SRSF4: variants seen among roughly 807,000 people sequenced by gnomAD.
The protein encoded by SRSF4 is serine and arginine rich splicing factor 4.
A neutral mutation model predicts 48.8 loss-of-function variants in SRSF4; 12 were observed. The observed-to-expected ratio is 0.25, with a 90% CI of 0.16 to 0.40. SRSF4 has a LOEUF of 0.40. SRSF4 is among the 10% of genes least tolerant of loss of function. SRSF4 has a pLI of 1.00. For synonymous variants in SRSF4, 248 were observed against 232.5 expected, an observed-to-expected ratio of 1.07 and a Z score of -0.61; for missense variants, 466 against 667.1, an observed-to-expected ratio of 0.70 and a Z score of 3.32.
chr1:29,153,654 G>A (rs1232223745), intron 4 of SRSF4, among the ~76,000 whole-genome samples: 1 of 149,450 alleles, frequency 6.7e-6, no homozygotes, highest in Non-Finnish European at 1.5e-5. Flanking sequence ...AGGCTAGAGT[G>A]CAACGGTGCG....
intron 1 of SRSF4, chr1:29,169,505 A>C (rs1406907698): frequency 6.6e-6 from 1 of 152,256 alleles, no homozygotes; most frequent in Non-Finnish European, 1.5e-5. Context: ...AATACCAGTA[A>C]GTTGTGAACA....
rs922008949 is a variant in SRSF4, at chr1:29,181,830, AGCGGCGGCG to A, written c.-87_-79del. On this transcript the variant is annotated 5_prime_UTR_variant, in exon 1 of 6. Transcript: ENST00000373795. Reference sequence around the variant, plus strand: ...GCGGGCAAAGCGAGAGCACGGCGGCAGCGGCGGCGGCGGCAACGGGCGGGCGGCGGGACG... The same window carrying A: ...GCGGGCAAAGCGAGAGCACGGCGGCAGCGGCAACGGGCGGGCGGCGGGACG... The A allele has an allele frequency of 4.9e-5, 61 of 1,247,902 alleles. No individual in the cohort carries two copies. The highest frequency in any genetic ancestry group is 2.3e-4 in the Middle Eastern group (1 of 4,394). The allele number at this position is 1,247,902 out of a possible 1,614,324, so 77.3% of individuals were successfully genotyped here. A position where few individuals can be genotyped will look rare whatever the true frequency, so the allele number is the denominator to read the frequency against.
intron 1 of SRSF4, among the ~76,000 whole-genome samples, chr1:29,180,069 T>C (rs951480717): frequency 6.6e-6 from 1 of 152,222 alleles, no homozygotes; most frequent in Non-Finnish European, 1.5e-5. Context: ...CTAAGCCAAA[T>C]GCTTTACATT....
intron 1 of SRSF4, chr1:29,173,309 T>C (rs959166246): frequency 2.0e-5 from 3 of 151,298 alleles, no homozygotes; most frequent in Non-Finnish European, 4.4e-5. Flanking sequence ...GGCTAATTTT[T>C]TTTGTATTTT....
intron 1 of SRSF4, among the ~76,000 whole-genome samples, chr1:29,161,497 T>A (rs903328037): frequency 1.3e-5 from 2 of 152,256 alleles, no homozygotes; most frequent in Admixed American, 6.5e-5. Flanking sequence ...CACAGACTAG[T>A]GTTCCTCTGC....
At chr1:29,165,479 A>T (rs1033323886) in intron 1 of SRSF4, among the ~76,000 whole-genome samples, 2 of 152,198 alleles carry the variant, frequency 1.3e-5, no homozygotes, top group Non-Finnish European at 2.9e-5. Context: ...ATCCTTGCTA[A>T]ATATCCTTTC....
intron 5 of SRSF4, among the ~76,000 whole-genome samples, chr1:29,149,688 GAAA>G (rs35111206): frequency 5.9e-5 from 6 of 100,910 alleles, no homozygotes; most frequent in African/African-American, 1.4e-4. Context: ...CTTGAGGGGG[GAAA>G]AAAAAAAAAA....
At chr1:29,158,859 C>T (rs1404665921) in intron 3 of SRSF4, among the ~76,000 whole-genome samples, 3 of 152,072 alleles carry the variant, frequency 2.0e-5, no homozygotes, top group Non-Finnish European at 2.9e-5. Flanking sequence ...CGGTGGCTCA[C>T]GCCTGTAATC....
intron 4 of SRSF4, among the ~76,000 whole-genome samples, chr1:29,154,043 C>T (rs1490615547): frequency 1.3e-5 from 2 of 151,748 alleles, no homozygotes; most frequent in Non-Finnish European, 2.9e-5. Context: ...ACTACAGGTA[C>T]GTGCGCCACC....
At chr1:29,154,965 A>T (rs1672475256) in intron 3 of SRSF4, 55 bp from the exon 4 acceptor site, 1 of 1,495,814 alleles carries the variant, frequency 6.7e-7, no homozygotes, top group Admixed American at 1.9e-5. Flanking sequence ...AAAATATCTA[A>T]TGCAATCATC....
chr1:29,152,481 T>G (rs1284692800), intron 4 of SRSF4, among the ~76,000 whole-genome samples: 1 of 152,204 alleles, frequency 6.6e-6, no homozygotes, highest in African/African-American at 2.4e-5. Flanking sequence ...ATTCTTGCTC[T>G]GGCCTAATGG....
At position 29,181,760 on chromosome 1, in the gene SRSF4, A is replaced by C. The variant is rs1036848307; in HGVS notation, c.-8T>G. Reference sequence around the variant, plus strand: ...GATGTACACCCGCGGCATCCCGGCAACGGCAGTGATGGCTGGCCCCGGCCC... The same window carrying C: ...GATGTACACCCGCGGCATCCCGGCACCGGCAGTGATGGCTGGCCCCGGCCC... On this transcript the variant is annotated 5_prime_UTR_variant, in exon 1 of 6. Transcript: ENST00000373795. 6.4e-7 allele frequency: 1 copy of C among 1,571,530 alleles called. No homozygotes were observed. The highest frequency in any genetic ancestry group is 8.6e-7 in the Non-Finnish European group (1 of 1,163,868).
intron 4 of SRSF4, chr1:29,154,455 A>G: frequency 2.1e-6 from 1 of 476,214 alleles, no homozygotes; most frequent in Non-Finnish European, 3.7e-6. Context: ...TTGGCCTCCC[A>G]AAGTGCTGGG....
At chr1:29,154,059 AT>A (rs893245992) in intron 4 of SRSF4, among the ~76,000 whole-genome samples, 36 of 135,806 alleles carry the variant, frequency 2.7e-4, no homozygotes, top group Non-Finnish European at 2.2e-4. Context: ...CCACCACACC[AT>A]TTTTTTTTTT....
At chr1:29,179,238 T>C (rs1177148756) in intron 1 of SRSF4, among the ~76,000 whole-genome samples, 1 of 152,254 alleles carries the variant, frequency 6.6e-6, no homozygotes, top group Non-Finnish European at 1.5e-5. Context: ...TCATAAGGCT[T>C]GATCCATGCT....
intron 1 of SRSF4, among the ~76,000 whole-genome samples, chr1:29,179,190 CGTT>C (rs1168248808): frequency 3.3e-5 from 5 of 152,182 alleles, no homozygotes; most frequent in African/African-American, 9.6e-5. Flanking sequence ...ATCTAATAGT[CGTT>C]GTTTCTGGTT....
intron 1 of SRSF4, chr1:29,169,059 T>C (rs1672708136): frequency 1.3e-5 from 2 of 152,272 alleles, no homozygotes; most frequent in African/African-American, 2.4e-5. Flanking sequence ...AGGACTCTTC[T>C]TCACATTTCT....
chr1:29,156,795 G>T (rs1672506993), intron 3 of SRSF4, among the ~76,000 whole-genome samples: 2 of 152,238 alleles, frequency 1.3e-5, no homozygotes, highest in South Asian at 4.1e-4. Flanking sequence ...GAAGGAATGA[G>T]AAGAGAGAGG....
chr1:29,180,720 C>A (rs1230693072), intron 1 of SRSF4, among the ~76,000 whole-genome samples: 3 of 152,230 alleles, frequency 2.0e-5, no homozygotes, highest in African/African-American at 7.2e-5. Flanking sequence ...ATCTGGTTCC[C>A]AGTTTTCCCC....
Sources: gnomAD v4.1 joint callset for allele counts (sites outside exome capture counted in the v4.1 genomes callset) on GRCh38, gnomAD v4.1.1 for gene constraint, MANE v1.5 for transcripts, NCBI Gene and HGNC (gene_info 2026-07-23, HGNC 2026-07-21) for gene names.